Variants in METTL21C observed in about 807,000 individuals in gnomAD.
METTL21C encodes the protein methyltransferase 21C, AARS1 lysine.
In METTL21C, 21 loss-of-function variants were observed where a neutral mutation model predicts 25.9. The ratio of observed to expected loss-of-function variants is 0.81; its 90% CI spans 0.58 to 1.17. The LOEUF is 1.17. Among genes scored for constraint, METTL21C ranks in the 50% most tolerant of loss-of-function variants. The pLI is 0.00. For missense variants in METTL21C, 312 were observed against 315.1 expected (o/e 0.99, Z 0.07); for synonymous variants, 125 against 124.7 (o/e 1.00, Z -0.01).
In METTL21C at chr13:102,686,388, C is replaced by T. The variant is rs113287958; in HGVS notation, c.438G>A (p.Leu146=). Residue 146 remains leucine (L), a synonymous_variant, in exon 4 of 4, where the codon CTG becomes CTA. Transcript: ENST00000267273. ...TTAAAAGATTGTATTGAAGGTTTCC[C>T]AGGACATCAGGCAAATCTGTTGCTG... ...QVTATDLPDV[L]GNLQYNLLKN... is the part of the protein sequence containing the mutation. 11 of 1,613,594 alleles carry T rather than the reference C, an allele frequency of 6.8e-6. No individual in the cohort carries two copies. The African/African-American group carries it at 8.0e-5, about 12-fold the overall frequency.
rs759769473 is a variant in METTL21C, at chr13:102,686,978, G to A, written c.362C>T (p.Ala121Val). Residue 121 changes from alanine to valine, a missense_variant, in exon 3 of 4, where the codon GCC (alanine) becomes GTC (valine). Physicochemically the swap from Ala to Val is moderately conservative, Grantham distance 64 (BLOSUM62 0). Coordinates refer to ENST00000267273, the MANE Select transcript of METTL21C (RefSeq NM_001010977.3). ...FQDAKILEIG[A>V]GPGLVSIVAS... is the part of the protein sequence containing the mutation. Reference sequence around the variant, plus strand: ...CACAATGGAAACAAGGCCTGGTCCGGCACCAATTTCAAGTATTTTTGCATC... The same window carrying A: ...CACAATGGAAACAAGGCCTGGTCCGACACCAATTTCAAGTATTTTTGCATC... 1 of 1,614,100 alleles carries A rather than the reference G, an allele frequency of 6.2e-7. No homozygotes were observed.
At position 102,686,286 on chromosome 13, in the gene METTL21C, A is replaced by T; in HGVS notation, c.540T>A (p.Phe180Leu). 6.2e-7 allele frequency: 1 copy of T among 1,614,168 alleles called. No homozygotes were observed. The highest frequency in any genetic ancestry group is 8.5e-7 in the Non-Finnish European group (1 of 1,180,024). The change falls in exon 4 of 4, where the codon TTT becomes TTA. Residue 180 changes from phenylalanine (F) to leucine (L), a missense_variant. Coordinates refer to ENST00000267273, the MANE Select transcript of METTL21C (RefSeq NM_001010977.3). ...LVWGEDLDKNFPKSAFYYDYV... is the reference protein window; with the variant it reads ...LVWGEDLDKNLPKSAFYYDYV... ...AATCATAGTAAAAAGCTGACTTGGGAAAGTTTTTGTCCAGGTCTTCCCCCC... is the reference window on the plus strand; with the variant it reads ...AATCATAGTAAAAAGCTGACTTGGGTAAGTTTTTGTCCAGGTCTTCCCCCC...
the METTL21C span, among the ~76,000 whole-genome samples, chr13:102,704,223 C>T: frequency 1.8e-3 from 270 of 152,304 alleles, 1 homozygote; most frequent in Admixed American, 4.4e-3. Context: ...ATATTCTCAG[C>T]TTTTCAAAGC....
At chr13:102,696,524 T>C (rs1297754164), upstream of METTL21C, among the ~76,000 whole-genome samples, 1 of 152,156 alleles carries the variant, frequency 6.6e-6, no homozygotes, top group East Asian at 1.9e-4. Flanking sequence ...TAAAAATAAA[T>C]AAATAAATAA....
At chr13:102,698,730 C>G (rs1231209445), upstream of METTL21C, among the ~76,000 whole-genome samples, 3 of 152,182 alleles carry the variant, frequency 2.0e-5, no homozygotes, top group African/African-American at 7.2e-5. Context: ...AGGGTCTTCT[C>G]CCATCTCCTC....
rs55715774 is a variant in METTL21C at position 102,694,900 on chromosome 13, TCACACACACA to T, written c.-412_-403del. 1.5e-5 allele frequency among the ~76,000 whole-genome samples: 2 copies of T among 135,488 alleles called. No homozygotes were observed. The highest frequency in any genetic ancestry group is 7.3e-5 in the Admixed American group (1 of 13,752). The allele number at this position is 135,488 out of a possible 152,430, so 88.9% of individuals were successfully genotyped here. On this transcript the variant is annotated 5_prime_UTR_variant, in exon 1 of 4. An upstream open reading frame in the 5' UTR loses its in-frame stop. Transcript: ENST00000267273. Reference sequence around the variant, plus strand: ...CTCTCTCTCTCTCTCTCTCTCTCTCTCACACACACACACACACACACACACACACGCACAG... The same window carrying T: ...CTCTCTCTCTCTCTCTCTCTCTCTCTCACACACACACACACACACGCACAG...
At chr13:102,699,593 A>G (rs781580203), upstream of METTL21C, among the ~76,000 whole-genome samples, 4 of 152,238 alleles carry the variant, frequency 2.6e-5, no homozygotes, top group Non-Finnish European at 1.5e-5. Context: ...ATTCCCTCCC[A>G]GAGAAGTGAG....
intron 2 of METTL21C, among the ~76,000 whole-genome samples, chr13:102,688,818 G>A (rs1253806079): frequency 1.3e-5 from 2 of 152,060 alleles, no homozygotes. Context: ...GTCATGCGGA[G>A]ACAAAGCTTT....
intron 2 of METTL21C, among the ~76,000 whole-genome samples, chr13:102,687,569 A>G (rs1333555100): frequency 2.0e-5 from 3 of 152,210 alleles, no homozygotes; most frequent in Non-Finnish European, 4.4e-5. Context: ...GCGACGGGTT[A>G]GTGACTTTTT....
chr13:102,703,238 C>G, the METTL21C span, among the ~76,000 whole-genome samples: 1 of 152,188 alleles, frequency 6.6e-6, no homozygotes, highest in Non-Finnish European at 1.5e-5. Context: ...CCTTTCCCCT[C>G]CCTGCTCTCT....
upstream of METTL21C, among the ~76,000 whole-genome samples, chr13:102,696,974 A>G (rs1885957447): frequency 1.3e-5 from 2 of 152,160 alleles, no homozygotes; most frequent in Non-Finnish European, 2.9e-5. Context: ...CAAATAGTTG[A>G]AGTGCAGCCG....
At chr13:102,701,085 C>T in the METTL21C span, among the ~76,000 whole-genome samples, 1,795 of 152,024 alleles carry the variant, frequency 0.012, 32 homozygotes, top group African/African-American at 0.04. Flanking sequence ...TGTGCCACAA[C>T]GCGGAATTCC....
At chr13:102,695,759 C>T (rs1198552054), upstream of METTL21C, among the ~76,000 whole-genome samples, 1 of 152,144 alleles carries the variant, frequency 6.6e-6, no homozygotes, top group Non-Finnish European at 1.5e-5. Context: ...CTAATGCTTT[C>T]TTATTCCCCA....
At chr13:102,686,740 T>C (rs183844569) in intron 3 of METTL21C, among the ~76,000 whole-genome samples, 200 bp downstream of exon 3, 1 of 152,200 alleles carries the variant, frequency 6.6e-6, no homozygotes, top group Non-Finnish European at 1.5e-5. Flanking sequence ...GGAAACTGGT[T>C]GATTGGAGTT....
At chr13:102,686,546 G>T in intron 3 of METTL21C, 121 bp from the exon 4 acceptor site, 1 of 1,187,256 alleles carries the variant, frequency 8.4e-7, no homozygotes, top group Non-Finnish European at 1.2e-6. Context: ...TGGGTGGGCT[G>T]GACATGTTTG....
the METTL21C span, among the ~76,000 whole-genome samples, chr13:102,700,801 GT>G: frequency 2.0e-5 from 3 of 152,088 alleles, no homozygotes; most frequent in East Asian, 5.8e-4. Flanking sequence ...CTCGGTTCCT[GT>G]TTTACTGTGA....
chr13:102,690,661 C>T (rs942107652), intron 2 of METTL21C, 152 bp downstream of exon 2: 1 of 709,264 alleles, frequency 1.4e-6, no homozygotes, highest in Non-Finnish European at 2.2e-6. Context: ...TGATCCCAAG[C>T]ACTCCACCAA....
chr13:102,695,923 T>A (rs1037993417), upstream of METTL21C, among the ~76,000 whole-genome samples: 1 of 152,232 alleles, frequency 6.6e-6, no homozygotes, highest in African/African-American at 2.4e-5. Context: ...AATATATGTG[T>A]GTATATTTAT....
At chr13:102,690,722 A>G in intron 2 of METTL21C, 91 bp downstream of exon 2, 2 of 1,458,250 alleles carry the variant, frequency 1.4e-6, no homozygotes, top group East Asian at 2.4e-5. Flanking sequence ...GCAGGATATG[A>G]AGGAACTTGA....
Sources: allele counts gnomAD v4.1 joint callset (sites outside exome capture counted in the v4.1 genomes callset), GRCh38; gene constraint gnomAD v4.1.1; transcripts MANE v1.5; gene names NCBI Gene and HGNC (gene_info 2026-07-23, HGNC 2026-07-21).